Variants in IQANK1 observed in about 807,000 individuals in gnomAD.
The protein encoded by IQANK1 is IQ motif and ankyrin repeat containing 1, also known as IQ motif and ankyrin repeat domain-containing protein 1.
A neutral mutation model predicts 22.6 loss-of-function variants in IQANK1; 30 were observed. The observed-to-expected ratio is 1.33, with a 90% CI of 0.99 to 1.80. The LOEUF is 1.80. Ranked by LOEUF, IQANK1 falls within the 40% of genes most tolerant of loss-of-function variation. The pLI, the probability that IQANK1 is intolerant of heterozygous loss-of-function variation, is 0.00. For missense variants in IQANK1, 275 were observed against 235.2 expected (o/e 1.17, Z -1.11); for synonymous variants, 122 against 99.6 (o/e 1.23, Z -1.34).
intron 3 of IQANK1, among the ~76,000 whole-genome samples, chr8:143,749,987 A>T (rs1408908123): frequency 2.7e-5 from 4 of 150,354 alleles, no homozygotes; most frequent in South Asian, 2.1e-4. Flanking sequence ...ACTTTTTTTT[A>T]AATTTTATTT....
chr8:143,790,242 G>A lies in IQANK1; in HGVS notation c.1395G>A (p.Thr465=), dbSNP rs986955075. ...ACCCGGAGCCCCTGAGGCCGGAGAC[G>A]ATGTGGCTGGCTCTGCTGGGGGCTC... is the stretch of plus-strand genomic sequence containing the variant. ...TVNPEPLRPE[T]MWLALLGALR... Residue 465 remains threonine (T), a synonymous_variant, in exon 13 of 14, where the codon ACG becomes ACA. Coordinates refer to ENST00000527139, the MANE Select transcript of IQANK1 (RefSeq NM_001381874.1). 5 of 1,232,154 alleles carry A rather than the reference G, an allele frequency of 4.1e-6. No individual in the cohort carries two copies. Among genetic ancestry groups the A allele is most frequent in the East Asian group, 6.3e-5 (2 of 31,700 alleles). The allele number at this position is 1,232,154 out of a possible 1,614,324, so 76.3% of individuals were successfully genotyped here. A position where few individuals can be genotyped will look rare whatever the true frequency, so the allele number is the denominator to read the frequency against.
chr8:143,749,109 T>C (rs1819123499), intron 3 of IQANK1, among the ~76,000 whole-genome samples: 1 of 123,144 alleles, frequency 8.1e-6, no homozygotes, highest in African/African-American at 3.3e-5. Context: ...GCATATATGA[T>C]ATAAACGTAT....
chr8:143,746,818 A>G (rs1819041361), intron 3 of IQANK1, among the ~76,000 whole-genome samples: 1 of 151,996 alleles, frequency 6.6e-6, no homozygotes, highest in African/African-American at 2.4e-5. Flanking sequence ...TAGGTCACTC[A>G]ATTTGTTGGC....
chr8:143,751,787 A>G (rs1267044830), intron 3 of IQANK1, among the ~76,000 whole-genome samples: 1 of 150,426 alleles, frequency 6.6e-6, no homozygotes, highest in Non-Finnish European at 1.5e-5. Flanking sequence ...TGTCCTTTCA[A>G]CCTGCAGGAC....
rs2129918400 is a variant in IQANK1 at position 143,774,840 on chromosome 8, C to T, written c.789+2358C>T. Among the ~76,000 whole-genome samples the T allele has an allele frequency of 6.6e-6, 1 of 152,284 alleles. No individual in the cohort carries two copies. On this transcript the variant is annotated intron_variant, in intron 7 of 13. Transcript: ENST00000527139. The surrounding 1 kb of genome is among the most constrained non-coding windows in gnomAD (Gnocchi z 4.2). ...CAATAAAACGGTGTGCACACATGAT[C>T]CATGCAACAACTAGCAACGTGGAGA...
At chr8:143,736,031 A>G in intron 2 of IQANK1, 93 bp downstream of exon 2, 1 of 667,914 alleles carries the variant, frequency 1.5e-6, no homozygotes, top group Non-Finnish European at 2.7e-6. Flanking sequence ...CCCTCTGAGG[A>G]GAGCCCTTCT....
At chr8:143,752,403 C>G (rs1197050380) in intron 3 of IQANK1, among the ~76,000 whole-genome samples, 2 of 152,204 alleles carry the variant, frequency 1.3e-5, no homozygotes, top group Admixed American at 6.5e-5. Context: ...AGGATTCTAA[C>G]TTTGCATTTC....
At chr8:143,742,260 A>G (rs1554626632) in intron 3 of IQANK1, 2 of 411,012 alleles carry the variant, frequency 4.9e-6, no homozygotes, top group Non-Finnish European at 9.9e-6. Flanking sequence ...ACAGCGCTCA[A>G]GTGACTCTTC....
intron 3 of IQANK1, among the ~76,000 whole-genome samples, chr8:143,752,091 G>A (rs533081877): frequency 1.1e-4 from 16 of 152,050 alleles, no homozygotes; most frequent in South Asian, 6.2e-4. Flanking sequence ...TCAGCCTCCC[G>A]AGTAGCTGGG....
At chr8:143,749,881 G>C (rs1554627854) in intron 3 of IQANK1, among the ~76,000 whole-genome samples, 1 of 151,392 alleles carries the variant, frequency 6.6e-6, no homozygotes, top group African/African-American at 2.4e-5. Flanking sequence ...ATATTTTGAT[G>C]ATCAGACATT....
In IQANK1 at chr8:143,789,833, A is replaced by C. The variant is rs1455117401; in HGVS notation, c.1159A>C (p.Met387Leu). The C allele has an allele frequency of 3.2e-6, 4 of 1,232,170 alleles. No individual in the cohort carries two copies. Among genetic ancestry groups the C allele is most frequent in the Non-Finnish European group, 4.0e-6 (4 of 988,180 alleles). The allele number at this position is 1,232,170 out of a possible 1,614,324, so 76.3% of individuals were successfully genotyped here. The change falls in exon 11 of 14, where the codon ATG (methionine) becomes CTG (leucine). Residue 387 changes from methionine to leucine, a missense_variant. By Grantham distance (15) the Met-to-Leu change is conservative (BLOSUM62 2). Coordinates refer to ENST00000527139, the MANE Select transcript of IQANK1 (RefSeq NM_001381874.1). Reference sequence around the variant, plus strand: ...CCAGAAGGCCGAGGAGGCGCTGGCTATGGCCAGGCTGGAGCTTCGGGAGCA... The same window carrying C: ...CCAGAAGGCCGAGGAGGCGCTGGCTCTGGCCAGGCTGGAGCTTCGGGAGCA... ...EAQKAEEALA[M>L]ARLELREQTQ...
At chr8:143,745,532 C>G (rs1426776975) in intron 3 of IQANK1, 1 of 152,360 alleles carries the variant, frequency 6.6e-6, no homozygotes, top group African/African-American at 2.4e-5. Context: ...AAGCGATTCT[C>G]TTGCCTCAGC....
chr8:143,774,282 A>G lies in IQANK1; in HGVS notation c.789+1800A>G, dbSNP rs1336224530. Among the ~76,000 whole-genome samples, 3 of 152,208 alleles carry G rather than the reference A, an allele frequency of 2.0e-5. No individual in the cohort carries two copies. The highest frequency in any genetic ancestry group is 4.4e-5 in the Non-Finnish European group (3 of 68,040). ...AGAAAAGAAGCCACAGGCAGGAGCA[A>G]ACGTTTGTGAACCACGCATCTGGCA... On this transcript the variant is annotated intron_variant, in intron 7 of 13. Transcript: ENST00000527139. The surrounding 1 kb of genome is among the most constrained non-coding windows in gnomAD (Gnocchi z 4.2).
intron 3 of IQANK1, among the ~76,000 whole-genome samples, chr8:143,755,873 G>T (rs868918659): frequency 6.6e-6 from 1 of 152,182 alleles, no homozygotes; most frequent in Non-Finnish European, 1.5e-5. Context: ...CTGCTGGAAG[G>T]TTCAGCATTC....
At chr8:143,734,481 C>T (rs1304927841) in intron 1 of IQANK1, among the ~76,000 whole-genome samples, 1 of 149,696 alleles carries the variant, frequency 6.7e-6, no homozygotes, top group African/African-American at 2.4e-5. Context: ...GCCGCAGTGA[C>T]CCCCCCATGC....
At chr8:143,772,557 G>A (rs538903611) in intron 7 of IQANK1, 75 bp downstream of exon 7, 4 of 398,608 alleles carry the variant, frequency 1.0e-5, no homozygotes, top group Admixed American at 4.4e-5. Context: ...TGTGAGCCCC[G>A]GGAGGTGTGG....
intron 3 of IQANK1, among the ~76,000 whole-genome samples, chr8:143,761,180 C>T (rs1408170952): frequency 6.6e-6 from 1 of 152,204 alleles, no homozygotes; most frequent in Non-Finnish European, 1.5e-5. Context: ...CGAGAAGGGA[C>T]CCGGAGCATC....
At chr8:143,772,323 G>A in intron 6 of IQANK1, 34 bp from the exon 7 acceptor site, 1 of 398,888 alleles carries the variant, frequency 2.5e-6, no homozygotes, top group Non-Finnish European at 4.4e-6. Flanking sequence ...CCAGGGGCAA[G>A]GCCTGGATCT....
Position 143,772,392 on chromosome 8 carries a change from C to T in IQANK1, c.699C>T (p.Ala233=), listed in dbSNP as rs1180911312. The T allele has an allele frequency of 2.5e-6, 1 of 399,304 alleles. No homozygotes were observed. Among genetic ancestry groups the T allele is most frequent in the Admixed American group, 4.4e-5 (1 of 22,720 alleles). The allele number at this position is 399,304 out of a possible 1,614,324, so 24.7% of individuals were successfully genotyped here. Residue 233 remains alanine, a synonymous_variant, in exon 7 of 14, where the codon GCC becomes GCT. Transcript: ENST00000527139. Reference sequence around the variant, plus strand: ...GTCCGACGCCGCTGTACCGTGCAGCCTTTGGGGGCCACCTGGCAGCTGTGG... The same window carrying T: ...GTCCGACGCCGCTGTACCGTGCAGCTTTTGGGGGCCACCTGGCAGCTGTGG... ...AFGPTPLYRA[A]FGGHLAAVEV... is the part of the protein sequence containing the mutation.
Sources: gnomAD v4.1 joint callset for allele counts (sites outside exome capture counted in the v4.1 genomes callset) on GRCh38, gnomAD v4.1.1 for gene constraint, Gnocchi (gnomAD v3.1) non-coding constraint, MANE v1.5 for transcripts, NCBI Gene and HGNC (gene_info 2026-07-23, HGNC 2026-07-21) for gene names.